KATNAL1: variants seen among roughly 807,000 people sequenced by gnomAD.
KATNAL1 encodes katanin p60 ATPase-containing subunit A-like 1.
A neutral mutation model predicts 55.2 loss-of-function variants in KATNAL1; 32 were observed. The observed-to-expected ratio is 0.58, with a 90% CI of 0.44 to 0.78. The LOEUF (loss-of-function observed/expected upper bound fraction) is 0.78. KATNAL1 is among the 30% of genes least tolerant of loss of function. The probability of loss-of-function intolerance (pLI) is 0.00; values close to 1 mark genes in which losing one functional copy is unlikely to be tolerated. For missense variants in KATNAL1, 466 were observed against 600.9 expected (o/e 0.78, Z 2.35); for synonymous variants, 193 against 193.6 (o/e 1.00, Z 0.02).
chr13:30,208,419 T>G lies in KATNAL1; in HGVS notation c.*121A>C, dbSNP rs192823702. 47 of 757,576 alleles carry G rather than the reference T, an allele frequency of 6.2e-5. No individual in the cohort carries two copies. Among genetic ancestry groups the G allele is most frequent in the African/African-American group, 6.2e-4 (35 of 56,762 alleles). The allele number at this position is 757,576 out of a possible 1,614,324, so 46.9% of individuals were successfully genotyped here. A position where few individuals can be genotyped will look rare whatever the true frequency, so the allele number is the denominator to read the frequency against. On this transcript the variant is annotated 3_prime_UTR_variant, in exon 11 of 11. Coordinates refer to ENST00000380615, the MANE Select transcript of KATNAL1 (RefSeq NM_032116.5). ...AGTATTCTTCGCAGTTTTAGATTTT[T>G]TTTTCCTTTAAGCGAAAACCACTCC...
chr13:30,243,967 C>T (rs1877532495), intron 4 of KATNAL1, among the ~76,000 whole-genome samples: 1 of 152,040 alleles, frequency 6.6e-6, no homozygotes, highest in Non-Finnish European at 1.5e-5. Context: ...TTCTAGGATA[C>T]ATGTGCAGAA....
At chr13:30,238,941 A>G (rs1490023748) in intron 6 of KATNAL1, among the ~76,000 whole-genome samples, 1 of 152,210 alleles carries the variant, frequency 6.6e-6, no homozygotes, top group Non-Finnish European at 1.5e-5. Context: ...CTAAAGGTCT[A>G]TTATGGTTGT....
At chr13:30,305,030 CTT>C (rs1433509429) in intron 1 of KATNAL1, among the ~76,000 whole-genome samples, 4 of 152,130 alleles carry the variant, frequency 2.6e-5, no homozygotes, top group Non-Finnish European at 4.4e-5. Flanking sequence ...CTCTACTGGA[CTT>C]TGTTTTTTTC....
chr13:30,210,402 C>T lies in KATNAL1; in HGVS notation c.1188G>A (p.Glu396=), dbSNP rs977909400. 4.4e-6 allele frequency: 7 copies of T among 1,606,190 alleles called. No individual in the cohort carries two copies. The highest frequency in any genetic ancestry group is 4.0e-5 in the African/African-American group (3 of 74,182). Residue 396 remains glutamate (E), a synonymous_variant, in exon 10 of 11, where the codon GAG becomes GAA. Coordinates refer to ENST00000380615, the MANE Select transcript of KATNAL1 (RefSeq NM_032116.5). ...RAELLKINLR[E]VELDPDIQLE... Reference sequence around the variant, plus strand: ...GTTGAATATCAGGATCTAATTCGACCTCACGAAGGTTGATCTTCAGAAGCT... The same window carrying T: ...GTTGAATATCAGGATCTAATTCGACTTCACGAAGGTTGATCTTCAGAAGCT...
chr13:30,235,468 A>G (rs976113404), intron 6 of KATNAL1, among the ~76,000 whole-genome samples: 2 of 152,080 alleles, frequency 1.3e-5, no homozygotes, highest in Non-Finnish European at 2.9e-5. Context: ...CATGGCCCAA[A>G]CTCCTCCCAT....
chr13:30,235,448 G>T (rs1006904860), intron 6 of KATNAL1, among the ~76,000 whole-genome samples: 1 of 152,234 alleles, frequency 6.6e-6, no homozygotes, highest in Non-Finnish European at 1.5e-5. Flanking sequence ...ATTCATGAGG[G>T]ATCTGCCCCC....
intron 6 of KATNAL1, among the ~76,000 whole-genome samples, chr13:30,231,969 C>T (rs1228062850): frequency 6.6e-6 from 1 of 152,008 alleles, no homozygotes; most frequent in Non-Finnish European, 1.5e-5. Flanking sequence ...ATAAGGTTAA[C>T]AGTAAAAAAT....
chr13:30,274,936 CACACACACACACACACAG>C (rs1243048520), intron 3 of KATNAL1, among the ~76,000 whole-genome samples: 4 of 151,436 alleles, frequency 2.6e-5, no homozygotes, highest in African/African-American at 9.7e-5. Context: ...CACACACACA[CACACACACACACACACAG>C]GAATATTATT....
chr13:30,240,929 C>G (rs749710691), intron 5 of KATNAL1, 30 bp downstream of exon 5: 14 of 1,597,854 alleles, frequency 8.8e-6, no homozygotes, highest in Non-Finnish European at 1.1e-5. Context: ...TTCTCCTCTA[C>G]TTTAATTCAA....
intron 9 of KATNAL1, among the ~76,000 whole-genome samples, chr13:30,222,419 G>A (rs892361106): frequency 7.2e-5 from 11 of 152,082 alleles, no homozygotes; most frequent in African/African-American, 2.7e-4. Context: ...AATCGTGTGA[G>A]CCAACTGCCT....
chr13:30,223,391 C>G (rs1383516289), intron 9 of KATNAL1, among the ~76,000 whole-genome samples: 11 of 143,110 alleles, frequency 7.7e-5, no homozygotes, highest in Non-Finnish European at 1.1e-4. Flanking sequence ...GCAGTGAGCC[C>G]AGATCCTGCC....
At position 30,208,452 on chromosome 13, in the gene KATNAL1, A is replaced by G. The variant is rs1873354019; in HGVS notation, c.*88T>C. On this transcript the variant is annotated 3_prime_UTR_variant, in exon 11 of 11. Coordinates refer to ENST00000380615, the MANE Select transcript of KATNAL1 (RefSeq NM_032116.5). ...TTAAGCGAAAACCACTCCACTGAAA[A>G]AAATTCCAAACTTGTTTTTTAAAAA... The G allele has an allele frequency of 2.4e-6, 3 of 1,231,008 alleles. No individual in the cohort carries two copies. The East Asian group carries it at 7.3e-5, about 30-fold the overall frequency. 76.3% of individuals were successfully genotyped at this position (1,231,008 alleles called of 1,614,324 possible).
chr13:30,215,645 AATC>A (rs1320562940), intron 9 of KATNAL1, among the ~76,000 whole-genome samples: 6 of 152,198 alleles, frequency 3.9e-5, no homozygotes, highest in Non-Finnish European at 8.8e-5. Flanking sequence ...TGAAACTAGA[AATC>A]ATCATTCTCA....
At chr13:30,285,921 G>A (rs550602457) in intron 1 of KATNAL1, among the ~76,000 whole-genome samples, 2 of 152,302 alleles carry the variant, frequency 1.3e-5, no homozygotes, top group East Asian at 1.9e-4. Context: ...AGAGATTTGT[G>A]GAACTTTGAA....
chr13:30,212,170 A>C (rs1873752195), intron 9 of KATNAL1, among the ~76,000 whole-genome samples: 1 of 152,238 alleles, frequency 6.6e-6, no homozygotes, highest in African/African-American at 2.4e-5. Context: ...ATTCAAAAAA[A>C]ATCAACAAGG....
intron 9 of KATNAL1, among the ~76,000 whole-genome samples, chr13:30,218,653 T>C (rs1874551991): frequency 6.6e-6 from 1 of 152,112 alleles, no homozygotes; most frequent in South Asian, 2.1e-4. Context: ...CCAAGGGTAA[T>C]TCATAAAATT....
intron 3 of KATNAL1, among the ~76,000 whole-genome samples, chr13:30,271,670 G>A (rs1201485037): frequency 6.6e-6 from 1 of 152,076 alleles, no homozygotes; most frequent in Non-Finnish European, 1.5e-5. Flanking sequence ...TTCAACATGA[G>A]ATGTAGGCAG....
rs55740915 is a variant in KATNAL1 at position 30,274,891 on chromosome 13, A to ACATACGCG, written c.323+5171_323+5172insCGCGTATG. Among the ~76,000 whole-genome samples the ACATACGCG allele has an allele frequency of 6.4e-3, 784 of 121,776 alleles. 7 individuals are homozygous for ACATACGCG. Among genetic ancestry groups the ACATACGCG allele is most frequent in the African/African-American group, 0.017 (519 of 30,506 alleles). 79.9% of individuals were successfully genotyped at this position (121,776 alleles called of 152,430 possible). ...GGGGGCGGGGTGTGTGCACACACAT[A>ACATACGCG]CGCGCGCGCGCGCGCGCACACACAC... is the stretch of plus-strand genomic sequence containing the variant. On this transcript the variant is annotated intron_variant, in intron 3 of 10. Transcript: ENST00000380615.
chr13:30,270,027 G>T (rs1329072662), intron 3 of KATNAL1, among the ~76,000 whole-genome samples: 4 of 139,940 alleles, frequency 2.9e-5, no homozygotes, highest in Admixed American at 6.9e-5. Flanking sequence ...GGGAGGTGGG[G>T]GTGTCAGCCC....
Sources: allele counts gnomAD v4.1 joint callset (sites outside exome capture counted in the v4.1 genomes callset), GRCh38; gene constraint gnomAD v4.1.1; transcripts MANE v1.5; gene names NCBI Gene and HGNC (gene_info 2026-07-23, HGNC 2026-07-21).